The following DNAH8 variants were observed in gnomAD, a reference collection of about 807,000 sequenced individuals.
The protein encoded by DNAH8 is axonemal beta dynein heavy chain 8.
In DNAH8, 382 loss-of-function variants were observed where a neutral mutation model predicts 562.1. That is an observed-to-expected ratio of 0.68 (90% CI 0.63 to 0.74). The LOEUF is 0.74. Among genes scored for constraint, DNAH8 ranks in the 30% least tolerant of loss-of-function variants. DNAH8 has a pLI of 0.00. For missense variants in DNAH8, 5,203 were observed against 5,620.4 expected (o/e 0.93, Z 2.37); for synonymous variants, 1,881 against 1,919.4 (o/e 0.98, Z 0.52).
chr6:38,970,540 A>G (rs1763265585), intron 82 of DNAH8, among the ~76,000 whole-genome samples: 1 of 152,124 alleles, frequency 6.6e-6, no homozygotes. Context: ...CCCACGAATA[A>G]TCCCTAATCT....
At chr6:38,877,708 T>A (rs998123967) in intron 53 of DNAH8, among the ~76,000 whole-genome samples, 2 of 152,206 alleles carry the variant, frequency 1.3e-5, no homozygotes, top group East Asian at 1.9e-4. Flanking sequence ...TTTATGGACA[T>A]TAACATCTTT....
intron 26 of DNAH8, among the ~76,000 whole-genome samples, chr6:38,820,794 T>A (rs1003134323): frequency 1.3e-5 from 2 of 152,168 alleles, no homozygotes; most frequent in Non-Finnish European, 2.9e-5. Flanking sequence ...GAAAAAATAT[T>A]TGACAAAATC....
intron 91 of DNAH8, among the ~76,000 whole-genome samples, chr6:39,015,851 C>G (rs1766531431): frequency 6.6e-6 from 1 of 152,210 alleles, no homozygotes; most frequent in South Asian, 2.1e-4. Flanking sequence ...AAAGCCCTAA[C>G]TTATTCAAAC....
At chr6:38,991,461 T>C (rs932797113) in intron 88 of DNAH8, among the ~76,000 whole-genome samples, 2 of 152,214 alleles carry the variant, frequency 1.3e-5, no homozygotes, top group African/African-American at 4.8e-5. Context: ...TAACGTTTTA[T>C]GAAAGAGGAG....
At chr6:38,867,701 C>T (rs920549664) in intron 47 of DNAH8, among the ~76,000 whole-genome samples, 15 of 143,376 alleles carry the variant, frequency 1.0e-4, no homozygotes, top group African/African-American at 3.7e-4. Context: ...TGCAGTGAGC[C>T]GAGGTCCCGC....
chr6:38,835,775 A>C (rs1304796630), intron 32 of DNAH8, among the ~76,000 whole-genome samples: 1 of 152,140 alleles, frequency 6.6e-6, no homozygotes, highest in Non-Finnish European at 1.5e-5. Flanking sequence ...GCACCAGTGG[A>C]GGGCCCGGTA....
chr6:38,849,107 G>A (rs1351692308), intron 37 of DNAH8, among the ~76,000 whole-genome samples: 1 of 152,058 alleles, frequency 6.6e-6, no homozygotes, highest in Non-Finnish European at 1.5e-5. Context: ...AGTTTTTTAG[G>A]AAGTGCTGAC....
In DNAH8 at chr6:39,003,317, T is replaced by C. The variant is rs114977861; in HGVS notation, c.13215-5497T>C. Among the ~76,000 whole-genome samples the C allele has an allele frequency of 5.2e-3, 790 of 152,368 alleles. 3 individuals are homozygous for C. The highest frequency in any genetic ancestry group is 8.6e-3 in the Non-Finnish European group (586 of 68,036). On this transcript the variant is annotated intron_variant, in intron 88 of 92. Transcript: ENST00000327475. ...TAAGGGTTTGTAAGATGCATCTCAG[T>C]GAACCTGAAATATTTGTCCCTGATT... is the stretch of plus-strand genomic sequence containing the variant.
At chr6:38,984,082 A>G (rs889637270) in intron 86 of DNAH8, 124 bp from the exon 87 acceptor site, 23 of 585,764 alleles carry the variant, frequency 3.9e-5, no homozygotes, top group Middle Eastern at 3.3e-4. Flanking sequence ...GACGATGAAT[A>G]ATTTTAAATG....
At chr6:38,818,479 T>G (rs1216043253) in intron 26 of DNAH8, among the ~76,000 whole-genome samples, 1 of 143,934 alleles carries the variant, frequency 6.9e-6, no homozygotes, top group Non-Finnish European at 1.5e-5. Flanking sequence ...CAACACATGC[T>G]TTTCCATAAA....
intron 80 of DNAH8, among the ~76,000 whole-genome samples, chr6:38,948,001 G>A (rs113408509): frequency 0.039 from 5,998 of 152,218 alleles, 271 homozygotes; most frequent in African/African-American, 0.1. Flanking sequence ...GCCCGCCTCT[G>A]CCTCCCAAAG....
chr6:38,810,507 G>A (rs1395893859), intron 24 of DNAH8, among the ~76,000 whole-genome samples: 46 of 152,018 alleles, frequency 3.0e-4, no homozygotes, highest in South Asian at 4.2e-4. Context: ...CAGGAGAATC[G>A]CTTGAACCTG....
At chr6:38,968,649 T>G (rs995821018) in intron 82 of DNAH8, among the ~76,000 whole-genome samples, 1 of 152,138 alleles carries the variant, frequency 6.6e-6, no homozygotes, top group Non-Finnish European at 1.5e-5. Context: ...TTGGTAAGGA[T>G]GTGGAAAAAT....
At chr6:38,991,924 A>T (rs941459121) in intron 88 of DNAH8, among the ~76,000 whole-genome samples, 2 of 150,800 alleles carry the variant, frequency 1.3e-5, no homozygotes, top group Admixed American at 6.6e-5. Context: ...TGTCCTCCTG[A>T]CCTGCTCTTC....
At chr6:38,756,106 T>C in intron 10 of DNAH8, 27 bp downstream of exon 10, 2 of 1,348,676 alleles carry the variant, frequency 1.5e-6, no homozygotes, top group South Asian at 2.3e-5. Context: ...GGAAATTACA[T>C]GTCATCCTGT....
intron 30 of DNAH8, among the ~76,000 whole-genome samples, chr6:38,829,795 C>A (rs1373296012): frequency 2.0e-5 from 3 of 152,178 alleles, no homozygotes; most frequent in Non-Finnish European, 2.9e-5. Context: ...ATAAAATTTA[C>A]CTTCTTAACC....
chr6:38,715,967 T>A (rs1562521964), intron 1 of DNAH8, among the ~76,000 whole-genome samples: 3 of 100,840 alleles, frequency 3.0e-5, no homozygotes, highest in South Asian at 3.6e-4. Flanking sequence ...TATATTTTTT[T>A]TTTTTTTTTG....
intron 88 of DNAH8, among the ~76,000 whole-genome samples, chr6:38,990,885 G>T (rs1302731219): frequency 6.6e-6 from 1 of 152,212 alleles, no homozygotes; most frequent in Non-Finnish European, 1.5e-5. Flanking sequence ...CCTTTGGAAT[G>T]GACCGCATGT....
At chr6:38,736,731 G>T (rs1764127170) in intron 5 of DNAH8, among the ~76,000 whole-genome samples, 1 of 151,584 alleles carries the variant, frequency 6.6e-6, no homozygotes, top group African/African-American at 2.4e-5. Context: ...AAAAATCATG[G>T]ACAGGGCAAC....
Sources: gnomAD v4.1 joint callset for allele counts (sites outside exome capture counted in the v4.1 genomes callset) on GRCh38, gnomAD v4.1.1 for gene constraint, MANE v1.5 for transcripts, NCBI Gene and HGNC (gene_info 2026-07-23, HGNC 2026-07-21) for gene names.